RBFOX1: variants seen among roughly 807,000 people sequenced by gnomAD.
The protein encoded by RBFOX1 is RNA binding fox-1 homolog 1.
Under a neutral mutation model 57.7 loss-of-function variants are expected in RBFOX1, and 8 were observed. The ratio of observed to expected loss-of-function variants is 0.14; its 90% confidence interval spans 0.08 to 0.25. RBFOX1 has a LOEUF of 0.25. Ranked by LOEUF, RBFOX1 falls within the 10% of genes least tolerant of loss-of-function variation. RBFOX1 has a pLI of 1.00. For missense variants in RBFOX1, 611 were observed against 548.5 expected (o/e 1.11, Z -1.14); for synonymous variants, 326 against 222.4 (o/e 1.47, Z -4.15).
intron 2 of RBFOX1, among the ~76,000 whole-genome samples, chr16:5,557,377 A>G (rs566065588): frequency 2.7e-5 from 4 of 150,028 alleles, no homozygotes; most frequent in Non-Finnish European, 5.9e-5. Context: ...GAGAGGTACA[A>G]TGGGAGTCAA....
At chr16:6,881,679 G>T (rs1265993270) in intron 3 of RBFOX1, among the ~76,000 whole-genome samples, 1 of 152,166 alleles carries the variant, frequency 6.6e-6, no homozygotes, top group South Asian at 2.1e-4. Context: ...GATGTTGGCA[G>T]TTAAGACTTC....
intron 3 of RBFOX1, among the ~76,000 whole-genome samples, chr16:6,779,596 T>C (rs1468773678): frequency 2.7e-5 from 4 of 148,242 alleles, no homozygotes; most frequent in Admixed American, 7.1e-5. Flanking sequence ...TCCATACTAT[T>C]CTCCAGAGTG....
chr16:6,020,317 G>A (rs1452189277), intron 1 of RBFOX1, among the ~76,000 whole-genome samples: 1 of 152,096 alleles, frequency 6.6e-6, no homozygotes, highest in Non-Finnish European at 1.5e-5. Context: ...GGAGCAGCGG[G>A]AGCCTGCCTG....
intron 1 of RBFOX1, among the ~76,000 whole-genome samples, chr16:5,438,940 TG>T (rs2067999232): frequency 6.7e-6 from 1 of 149,854 alleles, no homozygotes; most frequent in South Asian, 2.1e-4. Flanking sequence ...GTTGTGTGGA[TG>T]GGGAGGTGGT....
At chr16:6,484,991 G>A (rs2095444034) in intron 2 of RBFOX1, among the ~76,000 whole-genome samples, 1 of 152,186 alleles carries the variant, frequency 6.6e-6, no homozygotes, top group Non-Finnish European at 1.5e-5. Context: ...TTTCTCCACT[G>A]TGTTCCCTAT....
chr16:7,656,825 AC>A (rs1231723166), intron 12 of RBFOX1, among the ~76,000 whole-genome samples: 1 of 152,186 alleles, frequency 6.6e-6, no homozygotes, highest in East Asian at 1.9e-4. Flanking sequence ...TTGTGTGAAC[AC>A]TAGGGAAAGG....
intron 2 of RBFOX1, among the ~76,000 whole-genome samples, chr16:6,588,973 G>A (rs1280043994): frequency 1.3e-5 from 2 of 152,160 alleles, no homozygotes; most frequent in African/African-American, 4.8e-5. Context: ...CTATGCATCT[G>A]TACTTTGATA....
intron 4 of RBFOX1, among the ~76,000 whole-genome samples, chr16:7,418,393 G>A (rs1052653077): frequency 1.3e-5 from 2 of 152,302 alleles, no homozygotes; most frequent in African/African-American, 4.8e-5. Flanking sequence ...ACTTGCCCAT[G>A]TCCCATGGTG....
At chr16:5,697,245 G>T (rs1350696296) in intron 3 of RBFOX1, among the ~76,000 whole-genome samples, 1 of 151,522 alleles carries the variant, frequency 6.6e-6, no homozygotes, top group Non-Finnish European at 1.5e-5. Context: ...TCTATTAATG[G>T]TGTTCACGTC....
chr16:7,445,695 T>C (rs536656574), intron 4 of RBFOX1, among the ~76,000 whole-genome samples: 1 of 152,256 alleles, frequency 6.6e-6, no homozygotes, highest in Non-Finnish European at 1.5e-5. Flanking sequence ...TTTGTTGCTG[T>C]TACTGTTGTT....
At chr16:5,944,074 C>A (rs2059340234) in intron 4 of RBFOX1, among the ~76,000 whole-genome samples, 1 of 152,110 alleles carries the variant, frequency 6.6e-6, no homozygotes, top group Non-Finnish European at 1.5e-5. Context: ...TCATTCAGCC[C>A]ACATACATAG....
chr16:7,529,301 T>C (rs2152348700), intron 5 of RBFOX1, among the ~76,000 whole-genome samples: 1 of 152,232 alleles, frequency 6.6e-6, no homozygotes, highest in Admixed American at 6.5e-5. Flanking sequence ...ACTCAAATAC[T>C]TTCACATCCA....
chr16:6,663,755 G>A (rs77705425), intron 3 of RBFOX1, among the ~76,000 whole-genome samples: 8,176 of 152,286 alleles, frequency 0.054, 261 homozygotes, highest in Non-Finnish European at 0.064. Flanking sequence ...CTTTGGAAAT[G>A]AAAATTAGAG....
chr16:5,807,019 A>C (rs1256771350), intron 3 of RBFOX1, among the ~76,000 whole-genome samples: 1 of 152,144 alleles, frequency 6.6e-6, no homozygotes, highest in African/African-American at 2.4e-5. Flanking sequence ...CTACCCCCCG[A>C]CACCTCCTCC....
At chr16:5,559,327 G>C (rs1206899491) in intron 2 of RBFOX1, among the ~76,000 whole-genome samples, 20 of 152,224 alleles carry the variant, frequency 1.3e-4, no homozygotes, top group Non-Finnish European at 2.9e-5. Flanking sequence ...ACATCTTAAG[G>C]ATCATAGTAA....
At chr16:5,270,723 G>C (rs1184396462) in intron 1 of RBFOX1, 1 of 488,832 alleles carries the variant, frequency 2.0e-6, no homozygotes, top group African/African-American at 2.0e-5. Context: ...TGAAAGAAGT[G>C]GTCAATAAAT....
At chr16:6,033,916 C>A (rs1210260750) in intron 1 of RBFOX1, among the ~76,000 whole-genome samples, 1 of 152,132 alleles carries the variant, frequency 6.6e-6, no homozygotes, top group East Asian at 1.9e-4. Context: ...CCAAATGAAG[C>A]CATGTGGTGA....
intron 2 of RBFOX1, among the ~76,000 whole-genome samples, chr16:5,542,134 A>G (rs917705021): frequency 2.0e-5 from 3 of 151,894 alleles, no homozygotes; most frequent in Non-Finnish European, 2.9e-5. Context: ...GGTCCAGAGC[A>G]TGGGATGTCT....
At chr16:5,709,833 ATATATATATATTTTTTTTT>A (rs2051404663) in intron 3 of RBFOX1, among the ~76,000 whole-genome samples, 1 of 7,164 alleles carries the variant, frequency 1.4e-4, no homozygotes, top group African/African-American at 3.5e-4. Context: ...ATATATATAT[ATATATATATATTTTTTTTT>A]TTTTTTTTTT....
Sources: allele counts gnomAD v4.1 joint callset (sites outside exome capture counted in the v4.1 genomes callset), GRCh38; gene constraint gnomAD v4.1.1; transcripts MANE v1.5; gene names NCBI Gene and HGNC (gene_info 2026-07-23, HGNC 2026-07-21).